Variants in SPATA17 observed in about 807,000 individuals in gnomAD.
SPATA17 encodes the protein spermatogenesis associated 17, also known as spermatogenesis-associated protein 17.
A neutral mutation model predicts 62.2 loss-of-function variants in SPATA17; 53 were observed. The ratio of observed to expected loss-of-function variants is 0.85; its 90% CI spans 0.68 to 1.07. The LOEUF (loss-of-function observed/expected upper bound fraction) is 1.07. SPATA17 is among the 50% of genes least tolerant of loss of function. The pLI is 0.00. For missense variants in SPATA17, 466 were observed against 425.5 expected, an observed-to-expected ratio of 1.10 and a Z score of -0.84; for synonymous variants, 146 against 146.8, an observed-to-expected ratio of 0.99 and a Z score of 0.04.
At chr1:217,748,392 TA>T (rs1034645963) in intron 6 of SPATA17, among the ~76,000 whole-genome samples, 3 of 152,034 alleles carry the variant, frequency 2.0e-5, no homozygotes, top group Non-Finnish European at 4.4e-5. Flanking sequence ...AAATCTTTTT[TA>T]AAAAAATTAT....
chr1:217,640,886 A>T (rs1670046740), intron 1 of SPATA17, among the ~76,000 whole-genome samples: 1 of 152,150 alleles, frequency 6.6e-6, no homozygotes, highest in Non-Finnish European at 1.5e-5. Context: ...GGAATTAGAT[A>T]GATCTGGAAT....
intron 5 of SPATA17, among the ~76,000 whole-genome samples, chr1:217,704,623 T>G (rs892446705): frequency 6.6e-6 from 1 of 152,146 alleles, no homozygotes; most frequent in African/African-American, 2.4e-5. Context: ...CAATGTTTAT[T>G]TCCCACTTAC....
chr1:217,793,515 C>T (rs899226117), intron 8 of SPATA17, among the ~76,000 whole-genome samples: 3 of 151,988 alleles, frequency 2.0e-5, no homozygotes, highest in Non-Finnish European at 4.4e-5. Flanking sequence ...CCACCGTGCC[C>T]GGCAGGACAG....
intron 6 of SPATA17, among the ~76,000 whole-genome samples, chr1:217,773,683 C>T (rs1020489491): frequency 2.0e-4 from 30 of 152,164 alleles, no homozygotes; most frequent in African/African-American, 7.2e-4. Flanking sequence ...GATAATACTA[C>T]AGAAGCATAG....
intron 5 of SPATA17, among the ~76,000 whole-genome samples, chr1:217,703,623 A>T (rs1022208966): frequency 2.0e-5 from 3 of 152,194 alleles, no homozygotes; most frequent in Non-Finnish European, 4.4e-5. Flanking sequence ...CTAAGAATTT[A>T]AAAAATATGG....
chr1:217,806,404 G>A (rs1483438191), intron 9 of SPATA17, among the ~76,000 whole-genome samples: 1 of 152,144 alleles, frequency 6.6e-6, no homozygotes, highest in Non-Finnish European at 1.5e-5. Context: ...GAAGGAAACG[G>A]TCCTGCTCCC....
chr1:217,778,492 G>C (rs1673651964), intron 7 of SPATA17, among the ~76,000 whole-genome samples: 1 of 152,178 alleles, frequency 6.6e-6, no homozygotes, highest in African/African-American at 2.4e-5. Flanking sequence ...TTGCACTCCA[G>C]CCTGGGTGAG....
intron 4 of SPATA17, among the ~76,000 whole-genome samples, chr1:217,681,142 G>A (rs530386794): frequency 8.0e-5 from 12 of 150,932 alleles, no homozygotes; most frequent in Admixed American, 2.6e-4. Flanking sequence ...CAGGAGAATC[G>A]CTTGAACCAG....
At chr1:217,648,768 A>G in intron 1 of SPATA17, 114 bp from the exon 2 acceptor site, 2 of 542,584 alleles carry the variant, frequency 3.7e-6, no homozygotes, top group Non-Finnish European at 6.3e-6. Context: ...TTAAAATGAC[A>G]TTTGAATTTA....
At chr1:217,800,027 A>G (rs547020775) in intron 8 of SPATA17, among the ~76,000 whole-genome samples, 17 of 152,060 alleles carry the variant, frequency 1.1e-4, no homozygotes, top group Non-Finnish European at 1.6e-4. Context: ...TCCTTTGATT[A>G]TATGTGTTAA....
At chr1:217,755,237 T>C (rs1673012115) in intron 6 of SPATA17, among the ~76,000 whole-genome samples, 3 of 152,102 alleles carry the variant, frequency 2.0e-5, no homozygotes. Context: ...AGGTTTTCTG[T>C]AAAACGAATA....
intron 3 of SPATA17, among the ~76,000 whole-genome samples, chr1:217,660,149 T>G (rs957787173): frequency 6.6e-6 from 1 of 152,204 alleles, no homozygotes; most frequent in East Asian, 1.9e-4. Context: ...TGCCTCTCAT[T>G]GGTCTTATTT....
chr1:217,842,329 A>G (rs1325967037), intron 9 of SPATA17, among the ~76,000 whole-genome samples: 2 of 152,022 alleles, frequency 1.3e-5, no homozygotes, highest in Non-Finnish European at 2.9e-5. Flanking sequence ...TCATAAAACA[A>G]TTTGGGTAGT....
At chr1:217,843,997 T>C (rs1675468431) in intron 9 of SPATA17, among the ~76,000 whole-genome samples, 1 of 152,264 alleles carries the variant, frequency 6.6e-6, no homozygotes, top group East Asian at 1.9e-4. Context: ...TTCCCTATGT[T>C]AGTAAGTCTG....
At chr1:217,742,872 G>A (rs547948664) in intron 6 of SPATA17, among the ~76,000 whole-genome samples, 1 of 151,824 alleles carries the variant, frequency 6.6e-6, no homozygotes, top group Non-Finnish European at 1.5e-5. Context: ...AATGTCTCCA[G>A]GTAGGGGCAA....
At chr1:217,680,956 C>T (rs1042624094) in intron 4 of SPATA17, among the ~76,000 whole-genome samples, 4 of 121,128 alleles carry the variant, frequency 3.3e-5, no homozygotes, top group Non-Finnish European at 6.8e-5. Flanking sequence ...AGGCTGGGCA[C>T]GGTGGCTCAC....
intron 3 of SPATA17, 26 bp from the exon 4 acceptor site, chr1:217,669,007 T>C (rs750607054): frequency 1.9e-6 from 3 of 1,604,644 alleles, no homozygotes; most frequent in Non-Finnish European, 2.6e-6. Flanking sequence ...CTGAAATGCA[T>C]GCCATCTTTT....
chr1:217,831,564 G>T (rs1267547711), intron 9 of SPATA17, among the ~76,000 whole-genome samples: 1 of 152,112 alleles, frequency 6.6e-6, no homozygotes, highest in African/African-American at 2.4e-5. Flanking sequence ...GTATTTAAAA[G>T]ATCAAATCCC....
At chr1:217,862,674 A>T in intron 9 of SPATA17, 100 bp from the exon 10 acceptor site, 1 of 853,496 alleles carries the variant, frequency 1.2e-6, no homozygotes, top group Non-Finnish European at 1.8e-6. Context: ...GTGCAGTTGA[A>T]AGACATCTGT....
Sources: allele counts gnomAD v4.1 joint callset (sites outside exome capture counted in the v4.1 genomes callset), GRCh38; gene constraint gnomAD v4.1.1; transcripts MANE v1.5; gene names NCBI Gene and HGNC (gene_info 2026-07-23, HGNC 2026-07-21).